OPCML: variants seen among roughly 807,000 people sequenced by gnomAD.
OPCML encodes the protein opioid binding protein/cell adhesion molecule like.
OPCML carries 13 observed loss-of-function variants against 37.8 expected under a neutral mutation model. The observed-to-expected ratio is 0.34, with a 90% CI of 0.22 to 0.55. The LOEUF (loss-of-function observed/expected upper bound fraction) is 0.55, where lower values mean the gene tolerates loss of function less well. Ranked by LOEUF, OPCML falls within the 20% of genes least tolerant of loss-of-function variation. The pLI is 0.91. For synonymous variants in OPCML, 176 were observed against 168.8 expected (o/e 1.04, Z -0.33); for missense variants, 341 against 435.6 (o/e 0.78, Z 1.93).
chr11:133,385,483 C>T (rs955971581), intron 1 of OPCML, among the ~76,000 whole-genome samples: 14 of 152,058 alleles, frequency 9.2e-5, no homozygotes, highest in African/African-American at 2.9e-4. Context: ...GAGCTCAAGC[C>T]GAGAAAAACA....
rs116813584 is a variant in OPCML, at chr11:132,595,685, G to A, written c.379+61402C>T. 3.7e-3 allele frequency among the ~76,000 whole-genome samples: 570 copies of A among 152,216 alleles called. 6 individuals are homozygous for A. The highest frequency in any genetic ancestry group is 0.013 in the African/African-American group (531 of 41,566). ...CATCCAGAACAAAATAGCAATTTCC[G>A]TCCATGACATTTAAAGGTCTTGGAG... is the stretch of plus-strand genomic sequence containing the variant. On this transcript the variant is annotated intron_variant, in intron 3 of 7. Coordinates refer to ENST00000524381, the MANE Select transcript of OPCML (RefSeq NM_001012393.5).
At chr11:132,674,347 T>A (rs900426551) in intron 2 of OPCML, among the ~76,000 whole-genome samples, 1 of 152,144 alleles carries the variant, frequency 6.6e-6, no homozygotes, top group Admixed American at 6.5e-5. Flanking sequence ...AGCATTTAAA[T>A]CTGCAGGAAG....
intron 4 of OPCML, among the ~76,000 whole-genome samples, chr11:132,456,906 G>A (rs1034538589): frequency 7.2e-5 from 11 of 152,182 alleles, no homozygotes; most frequent in African/African-American, 2.7e-4. Flanking sequence ...CCTGCATTAG[G>A]CAGAAGGAAT....
intron 1 of OPCML, among the ~76,000 whole-genome samples, chr11:133,236,879 C>CA (rs1940540628): frequency 6.7e-6 from 1 of 148,972 alleles, no homozygotes; most frequent in Admixed American, 7.0e-5. Flanking sequence ...TAGTGGAAAC[C>CA]GGACATAGCA....
At chr11:132,424,224 G>A (rs759568475) in intron 7 of OPCML, among the ~76,000 whole-genome samples, 8 of 151,488 alleles carry the variant, frequency 5.3e-5, no homozygotes, top group South Asian at 2.1e-4. Context: ...GGTTCACGCC[G>A]TTCTCCTGCC....
intron 2 of OPCML, among the ~76,000 whole-genome samples, chr11:132,889,572 G>GT (rs1323702282): frequency 6.6e-6 from 1 of 152,168 alleles, no homozygotes; most frequent in Non-Finnish European, 1.5e-5. Context: ...GAACTATTAG[G>GT]TTTTCCTTCC....
intron 1 of OPCML, among the ~76,000 whole-genome samples, chr11:133,328,709 A>G (rs1170106605): frequency 2.0e-5 from 3 of 152,166 alleles, no homozygotes; most frequent in African/African-American, 7.2e-5. Flanking sequence ...ATCTATGACA[A>G]ACCCACAGCC....
chr11:133,513,560 T>G (rs1221327785), intron 1 of OPCML, among the ~76,000 whole-genome samples: 7 of 152,166 alleles, frequency 4.6e-5, no homozygotes, highest in African/African-American at 1.7e-4. Flanking sequence ...CTTCCTTCCT[T>G]GCGCTTCCAT....
chr11:133,113,513 A>AT (rs1270269939), intron 1 of OPCML, among the ~76,000 whole-genome samples: 1 of 152,076 alleles, frequency 6.6e-6, no homozygotes, highest in African/African-American at 2.4e-5. Flanking sequence ...AATGCCACTA[A>AT]GCTGAACGCT....
intron 2 of OPCML, among the ~76,000 whole-genome samples, chr11:132,803,463 C>T (rs1208708566): frequency 2.0e-5 from 3 of 152,116 alleles, no homozygotes; most frequent in Non-Finnish European, 2.9e-5. Context: ...ACTACCATTC[C>T]CACCACTTTT....
At position 132,514,913 on chromosome 11, in the gene OPCML, C is replaced by A. The variant is rs78930482; in HGVS notation, c.505+14148G>T. Among the ~76,000 whole-genome samples, 662 of 152,214 alleles carry A rather than the reference C, an allele frequency of 4.3e-3. 23 individuals are homozygous for A. The East Asian group carries it at 0.096, about 22-fold the overall frequency. On this transcript the variant is annotated intron_variant, in intron 4 of 7. Coordinates refer to ENST00000524381, the MANE Select transcript of OPCML (RefSeq NM_001012393.5). ...AGCAGCACTGGCAACGTCCTGAGTG[C>A]CCAAGGGAGACAAACCCTTTCACCA... is the stretch of plus-strand genomic sequence containing the variant.
chr11:132,809,127 A>G (rs1459797232), intron 2 of OPCML, among the ~76,000 whole-genome samples: 1 of 152,226 alleles, frequency 6.6e-6, no homozygotes, highest in Non-Finnish European at 1.5e-5. Flanking sequence ...AAACAGAAGC[A>G]GCAAAAATTA....
chr11:133,326,171 A>G (rs1234939419), intron 1 of OPCML, among the ~76,000 whole-genome samples: 10 of 151,986 alleles, frequency 6.6e-5, no homozygotes, highest in South Asian at 6.2e-4. Context: ...CTCCAAAAAC[A>G]ATTGAGAGCT....
chr11:132,717,162 T>TA (rs1421169999), intron 2 of OPCML, among the ~76,000 whole-genome samples: 1 of 152,214 alleles, frequency 6.6e-6, no homozygotes, highest in Non-Finnish European at 1.5e-5. Context: ...ATAGTTGACA[T>TA]ATACACAAGC....
At chr11:132,609,122 C>T (rs1225332295) in intron 3 of OPCML, among the ~76,000 whole-genome samples, 2 of 151,864 alleles carry the variant, frequency 1.3e-5, no homozygotes, top group African/African-American at 2.4e-5. Flanking sequence ...TGTTTCTCAT[C>T]GGCTTCTCAC....
intron 7 of OPCML, among the ~76,000 whole-genome samples, chr11:132,432,418 G>A (rs1049302648): frequency 6.6e-6 from 1 of 152,166 alleles, no homozygotes; most frequent in Non-Finnish European, 1.5e-5. Context: ...TAGGATCAGA[G>A]AATTGTGCCT....
intron 2 of OPCML, among the ~76,000 whole-genome samples, chr11:132,844,439 G>C (rs374953817): frequency 6.6e-6 from 1 of 152,156 alleles, no homozygotes; most frequent in South Asian, 2.1e-4. Context: ...GTGCATGGTG[G>C]GGGGAGGTAT....
intron 1 of OPCML, among the ~76,000 whole-genome samples, chr11:133,075,998 C>A (rs998686127): frequency 2.0e-5 from 3 of 152,092 alleles, no homozygotes; most frequent in Non-Finnish European, 4.4e-5. Flanking sequence ...AATCCATAGT[C>A]TCTCCCTCTC....
At chr11:132,697,980 T>C (rs1428019758) in intron 2 of OPCML, among the ~76,000 whole-genome samples, 2 of 2,696 alleles carry the variant, frequency 7.4e-4, no homozygotes, top group East Asian at 5.0e-3. Flanking sequence ...TATTTTCTAT[T>C]TATTTATTTA....
Sources: allele counts gnomAD v4.1 joint callset (sites outside exome capture counted in the v4.1 genomes callset), GRCh38; gene constraint gnomAD v4.1.1; transcripts MANE v1.5; gene names NCBI Gene and HGNC (gene_info 2026-07-23, HGNC 2026-07-21).